DCDC2: variants seen among roughly 807,000 people sequenced by gnomAD.
DCDC2 encodes the protein doublecortin domain containing 2.
In DCDC2, 40 loss-of-function variants were observed where a neutral mutation model predicts 50.2. The ratio of observed to expected loss-of-function variants is 0.80; its 90% CI spans 0.62 to 1.04. DCDC2 has a LOEUF of 1.04. DCDC2 is among the 50% of genes least tolerant of loss of function. DCDC2 has a pLI of 0.00. For missense variants in DCDC2, 570 were observed against 581.9 expected, an observed-to-expected ratio of 0.98 and a Z score of 0.21; for synonymous variants, 234 against 210.6, an observed-to-expected ratio of 1.11 and a Z score of -0.96.
intron 8 of DCDC2, among the ~76,000 whole-genome samples, chr6:24,199,459 A>T (rs1205151748): frequency 6.6e-6 from 1 of 152,224 alleles, no homozygotes; most frequent in Non-Finnish European, 1.5e-5. Context: ...AGAAAGGAAT[A>T]ACATCAACAC....
In DCDC2 at chr6:24,205,008, G is replaced by A. The variant is rs9467075; in HGVS notation, c.1017C>T (p.Val339=). ...TTTAAGGCATGGAGATTACCTGATCGACTGGAACCTCAACCTGAGTATCTT... is the reference window on the plus strand; with the variant it reads ...TTTAAGGCATGGAGATTACCTGATCAACTGGAACCTCAACCTGAGTATCTT... ...EDEDTQVEVP[V]DQRPAEIVDE... Residue 339 remains valine, a synonymous_variant, in exon 8 of 10, where the codon GTC becomes GTT. Coordinates refer to ENST00000378454, the MANE Select transcript of DCDC2 (RefSeq NM_016356.5). 0.14 allele frequency: 218,272 copies of A among 1,612,470 alleles called. 15,520 individuals are homozygous for A. Among genetic ancestry groups the A allele is most frequent in the Middle Eastern group, 0.18 (1,076 of 6,050 alleles).
the DCDC2 span, among the ~76,000 whole-genome samples, chr6:24,373,578 G>A: frequency 6.6e-6 from 1 of 152,156 alleles, no homozygotes; most frequent in Admixed American, 6.5e-5. Context: ...GTAAGGAACA[G>A]TTATAGATAC....
upstream of DCDC2, among the ~76,000 whole-genome samples, chr6:24,358,749 ATTTAT>A (rs1307695692): frequency 8.3e-3 from 28 of 3,380 alleles, no homozygotes; most frequent in Non-Finnish European, 0.01. Context: ...TATTTTATTT[ATTTAT>A]TTATATATTA....
At chr6:24,291,732 G>A (rs1037231353) in intron 4 of DCDC2, among the ~76,000 whole-genome samples, 16 of 151,910 alleles carry the variant, frequency 1.1e-4, no homozygotes, top group African/African-American at 3.6e-4. Flanking sequence ...TGATCCGCCC[G>A]CCTCGGCCTC....
chr6:24,348,412 C>G (rs1017000801), intron 2 of DCDC2, among the ~76,000 whole-genome samples: 2 of 152,172 alleles, frequency 1.3e-5, no homozygotes, highest in African/African-American at 4.8e-5. Context: ...GCAGTCATCA[C>G]TCAAAGAAGG....
At chr6:24,279,889 A>C (rs545145563) in intron 6 of DCDC2, among the ~76,000 whole-genome samples, 1 of 152,224 alleles carries the variant, frequency 6.6e-6, no homozygotes, top group African/African-American at 2.4e-5. Context: ...TGGAGTGACT[A>C]GTACAGTGCG....
chr6:24,252,265 A>G (rs1762809529), intron 7 of DCDC2, among the ~76,000 whole-genome samples: 1 of 152,320 alleles, frequency 6.6e-6, no homozygotes, highest in East Asian at 1.9e-4. Flanking sequence ...ACTTCCTTGT[A>G]CTACTGTTAA....
chr6:24,226,675 CAG>C (rs1762240477), intron 7 of DCDC2, among the ~76,000 whole-genome samples: 1 of 152,102 alleles, frequency 6.6e-6, no homozygotes, highest in African/African-American at 2.4e-5. Flanking sequence ...TGCTCATGGG[CAG>C]AGAGAATATG....
At position 24,193,732 on chromosome 6, in the gene DCDC2, G is replaced by A. The variant is rs956163150; in HGVS notation, c.1023+11270C>T. 8.6e-5 allele frequency among the ~76,000 whole-genome samples: 13 copies of A among 152,002 alleles called. 1 individual carries two copies. Among genetic ancestry groups the A allele is most frequent in the Non-Finnish European group, 1.9e-4 (13 of 67,984 alleles). The stretch of plus-strand genomic sequence containing the variant: ...ATTATAGTGGAAAGAAAAAAGAAAG[G>A]GAAAGGTATCTGTATGTGTTTGTAT... On this transcript the variant is annotated intron_variant, in intron 8 of 9. Transcript: ENST00000378454.
At chr6:24,283,320 A>G (rs1243182413) in intron 6 of DCDC2, among the ~76,000 whole-genome samples, 5 of 151,906 alleles carry the variant, frequency 3.3e-5, no homozygotes, top group Non-Finnish European at 7.4e-5. Context: ...CACTGAGGCT[A>G]TAAAAGGAAT....
intron 7 of DCDC2, among the ~76,000 whole-genome samples, chr6:24,266,282 G>T (rs764590286): frequency 2.0e-5 from 3 of 152,062 alleles, no homozygotes; most frequent in Non-Finnish European, 2.9e-5. Flanking sequence ...CATTGGTCTG[G>T]GCAAAGATTT....
chr6:24,364,652 G>A, the DCDC2 span, among the ~76,000 whole-genome samples: 2 of 151,344 alleles, frequency 1.3e-5, no homozygotes, highest in Admixed American at 1.3e-4. Context: ...TAAACAAAAG[G>A]AAAATATATT....
At chr6:24,237,251 A>T (rs553372334) in intron 7 of DCDC2, among the ~76,000 whole-genome samples, 1 of 152,322 alleles carries the variant, frequency 6.6e-6, no homozygotes, top group Non-Finnish European at 1.5e-5. Flanking sequence ...TCAGAAAAAA[A>T]ATACCTGTTG....
At chr6:24,240,707 C>G (rs1395675848) in intron 7 of DCDC2, among the ~76,000 whole-genome samples, 2 of 152,154 alleles carry the variant, frequency 1.3e-5, no homozygotes, top group Non-Finnish European at 2.9e-5. Flanking sequence ...AATAGCATCA[C>G]GCTGTGGTCA....
intron 1 of DCDC2, among the ~76,000 whole-genome samples, chr6:24,354,385 A>T (rs1760427852): frequency 6.6e-6 from 1 of 152,222 alleles, no homozygotes; most frequent in African/African-American, 2.4e-5. Context: ...CATATAATTT[A>T]TAATGATAGA....
intron 2 of DCDC2, among the ~76,000 whole-genome samples, chr6:24,334,493 C>A (rs1340214673): frequency 6.6e-6 from 1 of 152,202 alleles, no homozygotes; most frequent in Non-Finnish European, 1.5e-5. Flanking sequence ...CCCATTCACT[C>A]ACAAATCATC....
At chr6:24,201,802 G>A (rs185109924) in intron 8 of DCDC2, among the ~76,000 whole-genome samples, 8 of 152,184 alleles carry the variant, frequency 5.3e-5, no homozygotes, top group South Asian at 2.1e-4. Context: ...AATAGATAAA[G>A]GGGAGATCAC....
intron 7 of DCDC2, among the ~76,000 whole-genome samples, chr6:24,250,771 C>A (rs1446842513): frequency 6.6e-6 from 1 of 151,968 alleles, no homozygotes; most frequent in African/African-American, 2.4e-5. Flanking sequence ...AAATATAAAT[C>A]ATACCCCTAA....
intron 2 of DCDC2, among the ~76,000 whole-genome samples, chr6:24,317,913 G>C (rs80220349): frequency 0.024 from 3,614 of 151,768 alleles, 82 homozygotes; most frequent in African/African-American, 0.049. Context: ...GTTCGAACTT[G>C]TAACTAGAGA....
Sources: gnomAD v4.1 joint callset for allele counts (sites outside exome capture counted in the v4.1 genomes callset) on GRCh38, gnomAD v4.1.1 for gene constraint, MANE v1.5 for transcripts, NCBI Gene and HGNC (gene_info 2026-07-23, HGNC 2026-07-21) for gene names.